The following LRRC23 variants were observed in gnomAD, a reference collection of about 807,000 sequenced individuals.
The protein encoded by LRRC23 is leucine-rich repeat-containing protein 23.
LRRC23 carries 28 observed loss-of-function variants against 37.7 expected under a neutral mutation model. The ratio of observed to expected loss-of-function variants is 0.74; its 90% CI spans 0.55 to 1.02. LRRC23 has a LOEUF of 1.02. LRRC23 is among the 50% of genes least tolerant of loss of function. LRRC23 has a pLI of 0.00. For synonymous variants in LRRC23, 161 were observed against 165.4 expected (o/e 0.97, Z 0.20); for missense variants, 377 against 413.2 (o/e 0.91, Z 0.76).
chr12:6,906,755 C>G (rs888247109), intron 4 of LRRC23, 93 bp downstream of exon 4: 5 of 1,295,796 alleles, frequency 3.9e-6, no homozygotes, highest in Non-Finnish European at 5.4e-6. Context: ...GGGCACATGG[C>G]AGTCTGCATT....
Position 6,914,178 on chromosome 12 carries a change from C to A in LRRC23, c.*312C>A. 3.9e-6 allele frequency: 4 copies of A among 1,024,332 alleles called. No homozygotes were observed. The highest frequency in any genetic ancestry group is 5.6e-6 in the Non-Finnish European group (4 of 714,608). The allele number at this position is 1,024,332 out of a possible 1,614,324, so 63.5% of individuals were successfully genotyped here. A position where few individuals can be genotyped will look rare whatever the true frequency, so the allele number is the denominator to read the frequency against. ...GTGCTGGTAGGAGTGGTTGGAGAGA[C>A]TTGCGAAGGCGGCTGGGGTGTTCGG... On this transcript the variant is annotated 3_prime_UTR_variant, in exon 8 of 8. Transcript: ENST00000443597. The surrounding 1 kb of genome is among the most constrained non-coding windows in gnomAD (Gnocchi z 7.1).
intron 7 of LRRC23, 82 bp downstream of exon 7, chr12:6,913,109 A>C: frequency 1.4e-6 from 2 of 1,390,226 alleles, no homozygotes; most frequent in Non-Finnish European, 9.9e-7. Context: ...AAGCTGCTGC[A>C]GAAGGAGGTG....
At position 6,906,592 on chromosome 12, in the gene LRRC23, T is replaced by G. The variant is rs781790162; in HGVS notation, c.420T>G (p.Ser140Arg). The G allele has an allele frequency of 6.2e-7, 1 of 1,614,188 alleles. No individual in the cohort carries two copies. Among genetic ancestry groups the G allele is most frequent in the Admixed American group, 1.7e-5 (1 of 59,998 alleles). ...MNELPYLQIA[S>R]FAYNQITDTE... The stretch of plus-strand genomic sequence containing the variant: ...AACTGCCCTACCTGCAGATTGCTAG[T>G]TTTGCTTATAACCAGATTACTGACA... Residue 140 changes from serine to arginine, a missense_variant, in exon 4 of 8, where the codon AGT becomes AGG. Physicochemically the swap from Ser to Arg is moderately radical, Grantham distance 110. Around this residue, in one of 3 missense-constraint regions of LRRC23, gnomAD observed 266 missense variants for 285.6 expected, o/e 0.93. Coordinates refer to ENST00000443597, the MANE Select transcript of LRRC23 (RefSeq NM_001135217.2).
chr12:6,906,851 C>T lies in LRRC23; in HGVS notation c.490+189C>T, dbSNP rs373990835. ...AGGATCCAATAAGACAAGGAACGTC[C>T]CTATTCTCATATAGCTTATATTCTA... On this transcript the variant is annotated intron_variant, in intron 4 of 7. Coordinates refer to ENST00000443597, the MANE Select transcript of LRRC23 (RefSeq NM_001135217.2). 9 of 644,216 alleles carry T rather than the reference C, an allele frequency of 1.4e-5. No homozygotes were observed. The South Asian group carries it at 1.7e-4, about 12-fold the overall frequency. The allele number at this position is 644,216 out of a possible 1,614,324, so 39.9% of individuals were successfully genotyped here. A position where few individuals can be genotyped will look rare whatever the true frequency, so the allele number is the denominator to read the frequency against.
rs375179669 is a variant in LRRC23 at position 6,910,615 on chromosome 12, G to A, written c.758+589G>A. 3.9e-5 allele frequency among the ~76,000 whole-genome samples: 6 copies of A among 152,120 alleles called. No individual in the cohort carries two copies. The East Asian group carries it at 5.8e-4, about 15-fold the overall frequency. ...TCCCAGCTACTCAGGAGACTTAGGC[G>A]GGAGGATCGCTGGAGCCTCGAGGTG... On this transcript the variant is annotated intron_variant, in intron 6 of 7. Coordinates refer to ENST00000443597, the MANE Select transcript of LRRC23 (RefSeq NM_001135217.2).
Position 6,912,991 on chromosome 12 carries a change from G to A in LRRC23, c.1020G>A (p.Gln340=), listed in dbSNP as rs1945203671. The A allele has an allele frequency of 1.9e-6, 3 of 1,613,988 alleles. No homozygotes were observed. The highest frequency in any genetic ancestry group is 2.5e-6 in the Non-Finnish European group (3 of 1,180,020). Residue 340 remains glutamine, a synonymous_variant, in exon 7 of 8, where the codon CAG becomes CAA. Transcript: ENST00000443597. ...PEPQRDLEPE[Q]SLI Reference sequence around the variant, plus strand: ...CCCAGCGTGACCTGGAACCCGAACAGTCATTGATCTAGCAGCAGTTCTAGC... The same window carrying A: ...CCCAGCGTGACCTGGAACCCGAACAATCATTGATCTAGCAGCAGTTCTAGC...
intron 6 of LRRC23, 54 bp from the exon 7 acceptor site, chr12:6,912,676 C>T: frequency 6.5e-7 from 1 of 1,535,720 alleles, no homozygotes; most frequent in South Asian, 1.1e-5. Flanking sequence ...TTCCTAGCAA[C>T]TGGCAACCAA....
intron 5 of LRRC23, 73 bp downstream of exon 5, chr12:6,907,518 T>C: frequency 4.2e-6 from 6 of 1,413,980 alleles, no homozygotes; most frequent in Non-Finnish European, 5.0e-6. Flanking sequence ...TGCTTTCTAG[T>C]AGGCTCAGCT....
chr12:6,905,742 G>A lies in LRRC23; in HGVS notation c.109G>A (p.Glu37Lys), dbSNP rs782099963. 9.9e-6 allele frequency: 16 copies of A among 1,610,710 alleles called. No individual in the cohort carries two copies. Among genetic ancestry groups the A allele is most frequent in the Non-Finnish European group, 1.4e-5 (16 of 1,178,526 alleles). ...EEGEDYRKEG[E>K]EFPEEWLPTP... ...GGGGGAGGACTACAGAAAAGAGGGG[G>A]AAGAGTTCCCTGAGGAAGTGAGAGC... is the stretch of plus-strand genomic sequence containing the variant. The change falls in exon 2 of 8, where the codon GAA becomes AAA. Residue 37 changes from glutamate (E) to lysine (K), a missense_variant. By Grantham distance (56) the Glu-to-Lys change is moderately conservative. Transcript: ENST00000443597.
intron 5 of LRRC23, among the ~76,000 whole-genome samples, chr12:6,908,864 TG>T (rs1349690104): frequency 7.4e-6 from 1 of 135,700 alleles, no homozygotes; most frequent in Non-Finnish European, 1.6e-5. Context: ...AAAGAGGGAG[TG>T]GGGGGAAAGA....
chr12:6,910,377 C>T (rs782360619), intron 6 of LRRC23, among the ~76,000 whole-genome samples: 5 of 151,854 alleles, frequency 3.3e-5, no homozygotes, highest in Non-Finnish European at 5.9e-5. Flanking sequence ...GAGTTCAGGA[C>T]CAGCCTGGGC....
chr12:6,905,788 G>A (rs1340402332), intron 2 of LRRC23, 29 bp downstream of exon 2: 1 of 1,613,114 alleles, frequency 6.2e-7, no homozygotes, highest in Non-Finnish European at 8.5e-7. Context: ...AGGGGTCCTA[G>A]GGCTGAAGGA....
At chr12:6,905,441 GAA>G in intron 1 of LRRC23, 142 bp from the exon 2 acceptor site, 1 of 534,316 alleles carries the variant, frequency 1.9e-6, no homozygotes, top group East Asian at 3.4e-5. Flanking sequence ...TGGGAGTTGA[GAA>G]TCAAAATGAG....
chr12:6,908,758 G>A (rs7964156), intron 5 of LRRC23, among the ~76,000 whole-genome samples: 53,265 of 147,188 alleles, frequency 0.36, 11,076 homozygotes, highest in African/African-American at 0.59. Flanking sequence ...CAGGAGGCGG[G>A]GCTTGCAGTG....
chr12:6,910,036 C>T lies in LRRC23; in HGVS notation c.758+10C>T. 6.2e-7 allele frequency: 1 copy of T among 1,600,322 alleles called. No individual in the cohort carries two copies. Among genetic ancestry groups the T allele is most frequent in the Non-Finnish European group, 8.5e-7 (1 of 1,173,220 alleles). On this transcript the variant is annotated intron_variant, in intron 6 of 7. Coordinates refer to ENST00000443597, the MANE Select transcript of LRRC23 (RefSeq NM_001135217.2). The stretch of plus-strand genomic sequence containing the variant: ...AGTACCTCAACCTGAGGTATGCACC[C>T]TCTCCAAGCCCCACCTTGCCCCTAC...
chr12:6,909,391 A>ATATATATAATAGTATATTATATAT (rs1555140374), intron 5 of LRRC23, among the ~76,000 whole-genome samples: 1 of 49,344 alleles, frequency 2.0e-5, no homozygotes. Context: ...TATAATATAT[A>ATATATATAATAGTATATTATATAT]AATATTATAT....
At chr12:6,911,313 T>C (rs1945154913) in intron 6 of LRRC23, among the ~76,000 whole-genome samples, 2 of 152,298 alleles carry the variant, frequency 1.3e-5, no homozygotes, top group South Asian at 4.1e-4. Flanking sequence ...CATCTCCAAG[T>C]AGGGAGAGGT....
intron 5 of LRRC23, among the ~76,000 whole-genome samples, chr12:6,908,596 CAAAAAAA>C (rs61662814): frequency 1.6e-4 from 5 of 31,074 alleles, no homozygotes; most frequent in African/African-American, 4.9e-4. Flanking sequence ...GACTCCATCT[CAAAAAAA>C]AAAAAAAAAA....
intron 5 of LRRC23, among the ~76,000 whole-genome samples, chr12:6,909,156 T>A (rs1452328875): frequency 1.9e-4 from 1 of 5,358 alleles, no homozygotes; most frequent in Admixed American, 3.5e-3. Flanking sequence ...ATATTATATA[T>A]TATATATAAA....
Sources: gnomAD v4.1 joint callset for allele counts (sites outside exome capture counted in the v4.1 genomes callset) on GRCh38, gnomAD v4.1.1 for gene constraint, gnomAD v4.1.1 regional missense constraint, Gnocchi (gnomAD v3.1) non-coding constraint, MANE v1.5 for transcripts, NCBI Gene and HGNC (gene_info 2026-07-23, HGNC 2026-07-21) for gene names.